The following SLC37A3 variants were observed in gnomAD, a reference collection of about 807,000 sequenced individuals.
SLC37A3 encodes solute carrier family 37 member 3.
Under a neutral mutation model 67.1 loss-of-function variants are expected in SLC37A3, and 51 were observed. That is an observed-to-expected ratio of 0.76 (90% CI 0.61 to 0.96). The LOEUF (loss-of-function observed/expected upper bound fraction) is 0.96, where lower values mean the gene tolerates loss of function less well. Ranked by LOEUF, SLC37A3 falls within the 40% of genes least tolerant of loss-of-function variation. The pLI is 0.00. For synonymous variants in SLC37A3, 214 were observed against 231.4 expected (o/e 0.92, Z 0.68); for missense variants, 508 against 603.0 (o/e 0.84, Z 1.65).
At position 140,335,345 on chromosome 7, in the gene SLC37A3, G is replaced by A. The variant is rs140410401; in HGVS notation, c.*67C>T. 4.2e-5 allele frequency: 68 copies of A among 1,613,966 alleles called. No individual in the cohort carries two copies. Among genetic ancestry groups the A allele is most frequent in the Non-Finnish European group, 5.8e-5 (68 of 1,180,024 alleles). On this transcript the variant is annotated 3_prime_UTR_variant, in exon 15 of 15. Coordinates refer to ENST00000326232, the MANE Select transcript of SLC37A3 (RefSeq NM_207113.3). ...GGAGCTCCTAGACAAACCCAAATTA[G>A]GGCAGACTCGAAGCCCCAGCGGTCC...
chr7:140,343,325 C>T (rs1796430449), intron 13 of SLC37A3, 87 bp downstream of exon 13: 2 of 1,578,012 alleles, frequency 1.3e-6, no homozygotes, highest in African/African-American at 2.7e-5. Flanking sequence ...ACAAGAGTGC[C>T]ACCTACTGAG....
chr7:140,375,715 A>G (rs995301378), intron 3 of SLC37A3, among the ~76,000 whole-genome samples: 2 of 152,198 alleles, frequency 1.3e-5, no homozygotes, highest in Admixed American at 6.5e-5. Flanking sequence ...ATCATAAACA[A>G]ATAATAAAGT....
chr7:140,342,609 C>T (rs116726377), intron 13 of SLC37A3, among the ~76,000 whole-genome samples: 1,525 of 152,070 alleles, frequency 0.01, 18 homozygotes, highest in African/African-American at 0.034. Flanking sequence ...GTGGTATATC[C>T]TAGAAGAGGC....
rs778106795 is a variant in SLC37A3 at position 140,352,047 on chromosome 7, G to A, written c.703+15C>T. The A allele has an allele frequency of 6.2e-7, 1 of 1,605,146 alleles. No homozygotes were observed. The highest frequency in any genetic ancestry group is 8.5e-7 in the Non-Finnish European group (1 of 1,175,390). ...TAGTAAGACATTCGGAATAGAAGGG[G>A]CGGCTTCTCCTCACCAATTTCTTCT... On this transcript the variant is annotated intron_variant, in intron 8 of 14. Coordinates refer to ENST00000326232, the MANE Select transcript of SLC37A3 (RefSeq NM_207113.3).
intron 1 of SLC37A3, among the ~76,000 whole-genome samples, chr7:140,396,475 A>G (rs563813717): frequency 6.6e-6 from 1 of 152,292 alleles, no homozygotes; most frequent in East Asian, 1.9e-4. Flanking sequence ...CTTGGCATTT[A>G]TCTGTAAATA....
At chr7:140,343,248 T>C (rs1585253899) in intron 13 of SLC37A3, among the ~76,000 whole-genome samples, 164 bp downstream of exon 13, 1 of 152,282 alleles carries the variant, frequency 6.6e-6, no homozygotes, top group East Asian at 1.9e-4. Context: ...CCTTCTACAT[T>C]AGGACGCATC....
chr7:140,390,635 C>T (rs1798691627), intron 1 of SLC37A3, among the ~76,000 whole-genome samples: 1 of 152,112 alleles, frequency 6.6e-6, no homozygotes, highest in Non-Finnish European at 1.5e-5. Flanking sequence ...GTCACCCAAC[C>T]TCCATCCCCA....
chr7:140,365,919 CTTTTTTTTTTTTTTTTTTTTT>C lies in SLC37A3; in HGVS notation c.292-1449_292-1429del, dbSNP rs71170981. 2.3e-4 allele frequency among the ~76,000 whole-genome samples: 10 copies of C among 43,874 alleles called. No homozygotes were observed. The Admixed American group carries it at 2.8e-3, about 12-fold the overall frequency. 28.8% of individuals were successfully genotyped at this position (43,874 alleles called of 152,430 possible). A position where few individuals can be genotyped will look rare whatever the true frequency, so the allele number is the denominator to read the frequency against. On this transcript the variant is annotated intron_variant, in intron 4 of 14. Coordinates refer to ENST00000326232, the MANE Select transcript of SLC37A3 (RefSeq NM_207113.3). ...GCTTCAGATGACAGAACAATACATG[CTTTTTTTTTTTTTTTTTTTTT>C]TTTTTTTTTTTTTTTGAGACAGAGT...
intron 7 of SLC37A3, among the ~76,000 whole-genome samples, chr7:140,352,709 A>G (rs1274716980): frequency 1.3e-5 from 2 of 152,176 alleles, no homozygotes; most frequent in Non-Finnish European, 2.9e-5. Flanking sequence ...AAGCAAAGAC[A>G]CAGGGTGGAA....
intron 4 of SLC37A3, among the ~76,000 whole-genome samples, chr7:140,367,713 T>C (rs1797656767): frequency 6.6e-6 from 1 of 152,124 alleles, no homozygotes; most frequent in Non-Finnish European, 1.5e-5. Flanking sequence ...CCACCACAGC[T>C]GTTCCTACAG....
intron 1 of SLC37A3, among the ~76,000 whole-genome samples, chr7:140,394,909 C>T (rs559930346): frequency 6.6e-6 from 1 of 151,480 alleles, no homozygotes; most frequent in African/African-American, 2.4e-5. Flanking sequence ...GCCCAGCCCT[C>T]ATAAAATTTT....
At chr7:140,381,795 G>A (rs113947390) in intron 2 of SLC37A3, among the ~76,000 whole-genome samples, 1,649 of 152,056 alleles carry the variant, frequency 0.011, 31 homozygotes, top group African/African-American at 0.038. Flanking sequence ...TTGGGAGGCC[G>A]AGGTGGGCAG....
At position 140,367,140 on chromosome 7, in the gene SLC37A3, A is replaced by AT. The variant is rs200366189; in HGVS notation, c.291+2449dup. 5.0e-3 allele frequency among the ~76,000 whole-genome samples: 757 copies of AT among 151,676 alleles called. 17 individuals carry two copies. Among genetic ancestry groups the AT allele is most frequent in the South Asian group, 0.049 (235 of 4,780 alleles). ...GCAACACAGCAAGACTCCATCTCAA[A>AT]TAAAAAAAAAAATAGGCCAGGCATG... On this transcript the variant is annotated intron_variant, in intron 4 of 14. Coordinates refer to ENST00000326232, the MANE Select transcript of SLC37A3 (RefSeq NM_207113.3).
Position 140,397,824 on chromosome 7 carries a change from C to T in SLC37A3, c.-71+592G>A, listed in dbSNP as rs1585398126. Among the ~76,000 whole-genome samples the T allele has an allele frequency of 3.9e-5, 6 of 152,158 alleles. 1 individual carries two copies. Among genetic ancestry groups the T allele is most frequent in the Admixed American group, 3.9e-4 (6 of 15,278 alleles). On this transcript the variant is annotated intron_variant, in intron 1 of 14. Coordinates refer to ENST00000326232, the MANE Select transcript of SLC37A3 (RefSeq NM_207113.3). The stretch of plus-strand genomic sequence containing the variant: ...CATTTCAAAAAAACACTAAAAACTC[C>T]GGGGACACATTCCCATTATCTCCTG...
intron 11 of SLC37A3, 143 bp downstream of exon 11, chr7:140,345,726 A>G: frequency 2.9e-6 from 2 of 680,172 alleles, no homozygotes; most frequent in East Asian, 5.3e-5. Flanking sequence ...CCAGGCATTC[A>G]CAGGACAATG....
At chr7:140,337,165 C>T in intron 14 of SLC37A3, 119 bp downstream of exon 14, 2 of 385,632 alleles carry the variant, frequency 5.2e-6, no homozygotes, top group Non-Finnish European at 8.9e-6. Flanking sequence ...TAAAATGTTA[C>T]TTTTCACAAA....
chr7:140,351,747 A>G (rs1796812273), intron 8 of SLC37A3: 1 of 558,924 alleles, frequency 1.8e-6, no homozygotes, highest in Non-Finnish European at 3.2e-6. Context: ...ATGAAAAGAA[A>G]TGTTTCAAGA....
At chr7:140,339,569 T>C (rs570888139) in intron 13 of SLC37A3, among the ~76,000 whole-genome samples, 1 of 151,992 alleles carries the variant, frequency 6.6e-6, no homozygotes, top group Admixed American at 6.6e-5. Flanking sequence ...CCCCCAGTTT[T>C]CAATCTTTCG....
chr7:140,361,779 T>C (rs1257721575), intron 5 of SLC37A3, among the ~76,000 whole-genome samples: 2 of 145,744 alleles, frequency 1.4e-5, no homozygotes, highest in African/African-American at 2.5e-5. Context: ...CTCCAGCTCC[T>C]AACCGCGAGT....
Sources: allele counts gnomAD v4.1 joint callset (sites outside exome capture counted in the v4.1 genomes callset), GRCh38; gene constraint gnomAD v4.1.1; transcripts MANE v1.5; gene names NCBI Gene and HGNC (gene_info 2026-07-23, HGNC 2026-07-21).